The following EVC variants were observed in gnomAD, a reference collection of about 807,000 sequenced individuals.
EVC encodes the protein EvC ciliary complex subunit 1, also known as evC complex member EVC.
In EVC, 116 loss-of-function variants were observed where a neutral mutation model predicts 118.9. That is an observed-to-expected ratio of 0.98 (90% CI 0.84 to 1.14). The LOEUF is 1.14. EVC is among the 50% of genes most tolerant of loss of function. The probability of loss-of-function intolerance (pLI) is 0.00; values close to 1 mark genes in which losing one functional copy is unlikely to be tolerated. For synonymous variants in EVC, 619 were observed against 534.7 expected (o/e 1.16, Z -2.18); for missense variants, 1,401 against 1,246.4 (o/e 1.12, Z -1.87).
At chr4:5,823,506 C>G in the EVC span, among the ~76,000 whole-genome samples, 2 of 152,252 alleles carry the variant, frequency 1.3e-5, no homozygotes, top group South Asian at 4.1e-4. Flanking sequence ...AAATTTGATC[C>G]CAAAGTTGGA....
chr4:5,741,440 G>C (rs1357003969), intron 5 of EVC, among the ~76,000 whole-genome samples: 2 of 152,196 alleles, frequency 1.3e-5, no homozygotes, highest in Non-Finnish European at 2.9e-5. Context: ...GCCTTGCACA[G>C]AGTAAGCACT....
Position 5,743,577 on chromosome 4 carries a change from C to T in EVC, c.802-1627C>T, listed in dbSNP as rs17689430. Among the ~76,000 whole-genome samples the T allele has an allele frequency of 0.072, 10,981 of 152,224 alleles. 499 individuals are homozygous for T. The highest frequency in any genetic ancestry group is 0.19 in the Middle Eastern group (57 of 294). On this transcript the variant is annotated intron_variant, in intron 6 of 20. Coordinates refer to ENST00000264956, the MANE Select transcript of EVC (RefSeq NM_153717.3). The surrounding 1 kb of genome is among the most constrained non-coding windows in gnomAD (Gnocchi z 4.7). ...CCTTCATTAGAGTCCTCATTGTCAT[C>T]GTCATCGTCCTTGTTCCTACCACTG...
intron 16 of EVC, 32 bp from the exon 17 acceptor site, chr4:5,804,698 A>G: frequency 6.3e-7 from 1 of 1,598,718 alleles, no homozygotes; most frequent in Non-Finnish European, 8.6e-7. Context: ...CTCCAAACAG[A>G]CCCCTTGATT....
At chr4:5,822,450 G>A in the EVC span, among the ~76,000 whole-genome samples, 5 of 149,600 alleles carry the variant, frequency 3.3e-5, no homozygotes, top group South Asian at 2.2e-4. Context: ...TGTGAACTCC[G>A]CAAGCTGGAT....
At chr4:5,800,751 A>C (rs1466167273) in intron 15 of EVC, among the ~76,000 whole-genome samples, 1 of 152,102 alleles carries the variant, frequency 6.6e-6, no homozygotes. Context: ...GAAGGAAAGG[A>C]CCATTGGCAG....
chr4:5,808,872 C>T (rs1299258012), intron 18 of EVC, among the ~76,000 whole-genome samples: 1 of 152,144 alleles, frequency 6.6e-6, no homozygotes, highest in Non-Finnish European at 1.5e-5. Flanking sequence ...TCAAATCTTC[C>T]AGAATGGAAG....
rs141975519 is a variant in EVC at position 5,801,228 on chromosome 4, C to T, written c.2305-722C>T. Among the ~76,000 whole-genome samples, 229 of 152,284 alleles carry T rather than the reference C, an allele frequency of 1.5e-3. 1 individual carries two copies. Among genetic ancestry groups the T allele is most frequent in the African/African-American group, 5.3e-3 (219 of 41,560 alleles). On this transcript the variant is annotated intron_variant, in intron 15 of 20. Coordinates refer to ENST00000264956, the MANE Select transcript of EVC (RefSeq NM_153717.3). ...ATTGGCTTTGTGATGTGACCGAGGA[C>T]GAGGGTCTTTGTTTCTGACCCTGCA...
chr4:5,734,178 G>A (rs1020463495), intron 5 of EVC, among the ~76,000 whole-genome samples: 2 of 152,054 alleles, frequency 1.3e-5, no homozygotes, highest in African/African-American at 4.8e-5. Flanking sequence ...GATGACGGGG[G>A]TTAAAAAAAA....
intron 18 of EVC, 70 bp from the exon 19 acceptor site, chr4:5,809,448 T>C (rs1716532311): frequency 7.3e-7 from 1 of 1,375,930 alleles, no homozygotes; most frequent in Non-Finnish European, 1.0e-6. Context: ...CAGAATTCAC[T>C]CACGTGGAGA....
At chr4:5,723,393 G>T (rs1178836635) in intron 2 of EVC, among the ~76,000 whole-genome samples, 1 of 152,018 alleles carries the variant, frequency 6.6e-6, no homozygotes, top group African/African-American at 2.4e-5. Context: ...CTTCCACCAT[G>T]TTGGTCAGGC....
chr4:5,820,386 T>C, the EVC span, among the ~76,000 whole-genome samples: 2 of 152,270 alleles, frequency 1.3e-5, no homozygotes, highest in African/African-American at 2.4e-5. Context: ...GCCTGCTGTT[T>C]TTATCCGTCC....
At chr4:5,792,574 G>C (rs1388461655) in intron 12 of EVC, among the ~76,000 whole-genome samples, 1 of 152,208 alleles carries the variant, frequency 6.6e-6, no homozygotes, top group East Asian at 1.9e-4. Flanking sequence ...GTCAGGCCGT[G>C]AAAAGATCTG....
At chr4:5,805,591 A>G (rs1715740057) in intron 17 of EVC, among the ~76,000 whole-genome samples, 1 of 152,212 alleles carries the variant, frequency 6.6e-6, no homozygotes, top group African/African-American at 2.4e-5. Flanking sequence ...TTCTGGGCCC[A>G]CACCTGGAGA....
chr4:5,815,881 C>T (rs568775888), downstream of EVC, among the ~76,000 whole-genome samples: 5 of 152,100 alleles, frequency 3.3e-5, no homozygotes, highest in South Asian at 1.0e-3. Flanking sequence ...GGGAGGGAGG[C>T]CTGGGAATAT....
chr4:5,730,441 C>G (rs1435751844), intron 3 of EVC, among the ~76,000 whole-genome samples: 2 of 149,720 alleles, frequency 1.3e-5, no homozygotes, highest in African/African-American at 4.9e-5. Context: ...CCCTGGAACC[C>G]ACATTGGGAA....
intron 11 of EVC, among the ~76,000 whole-genome samples, chr4:5,761,117 T>G (rs1413392729): frequency 2.0e-5 from 3 of 152,144 alleles, no homozygotes; most frequent in African/African-American, 7.2e-5. Flanking sequence ...TGGACTGTTC[T>G]GAGCTCTGGT....
intron 11 of EVC, among the ~76,000 whole-genome samples, chr4:5,779,342 A>G (rs1297792805): frequency 6.6e-6 from 1 of 151,762 alleles, no homozygotes; most frequent in Non-Finnish European, 1.5e-5. Flanking sequence ...TTGGTTCCAT[A>G]TGAACTTTAA....
chr4:5,769,062 C>T, intron 11 of EVC, among the ~76,000 whole-genome samples: 1 of 152,002 alleles, frequency 6.6e-6, no homozygotes, highest in East Asian at 1.9e-4. Context: ...TGATGGTCAC[C>T]TATATTAATT....
At chr4:5,768,008 C>T (rs1002376327) in intron 11 of EVC, among the ~76,000 whole-genome samples, 3 of 151,978 alleles carry the variant, frequency 2.0e-5, no homozygotes, top group East Asian at 3.8e-4. Context: ...TTCATTCATT[C>T]GTTCATTCAT....
Sources: allele counts gnomAD v4.1 joint callset (sites outside exome capture counted in the v4.1 genomes callset), GRCh38; gene constraint gnomAD v4.1.1; non-coding constraint Gnocchi (gnomAD v3.1); transcripts MANE v1.5; gene names NCBI Gene and HGNC (gene_info 2026-07-23, HGNC 2026-07-21).